The following LUZP2 variants were observed in gnomAD, a reference collection of about 807,000 sequenced individuals.
LUZP2 encodes leucine zipper protein 2.
A neutral mutation model predicts 51.6 loss-of-function variants in LUZP2; 52 were observed. The ratio of observed to expected loss-of-function variants is 1.01; its 90% CI spans 0.81 to 1.27. LUZP2 has a LOEUF of 1.27. Ranked by LOEUF, LUZP2 falls within the 50% of genes most tolerant of loss-of-function variation. The pLI, the probability that LUZP2 is intolerant of heterozygous loss-of-function variation, is 0.00. For missense variants in LUZP2, 436 were observed against 395.4 expected, an observed-to-expected ratio of 1.10 and a Z score of -0.87; for synonymous variants, 154 against 137.3, an observed-to-expected ratio of 1.12 and a Z score of -0.85.
At chr11:24,738,390 C>T in intron 4 of LUZP2, 88 bp downstream of exon 4, 1 of 835,104 alleles carries the variant, frequency 1.2e-6, no homozygotes, top group Non-Finnish European at 2.0e-6. Context: ...ACAAACACAC[C>T]TATAAAAAAT....
Position 24,511,303 on chromosome 11 carries a change from A to G in LUZP2, c.62+13998A>G, listed in dbSNP as rs556747599. On this transcript the variant is annotated intron_variant, in intron 1 of 11. Coordinates refer to ENST00000336930, the MANE Select transcript of LUZP2 (RefSeq NM_001009909.4). ...ATGATGTGTAGCAGGTTTCCTTCAA[A>G]GTCCTTTCTGATGTTGGTGACAAGA... is the stretch of plus-strand genomic sequence containing the variant. 4.2e-4 allele frequency among the ~76,000 whole-genome samples: 64 copies of G among 152,250 alleles called. 1 individual carries two copies. In the South Asian group the frequency reaches 0.012, roughly 30 times the overall value.
intron 1 of LUZP2, among the ~76,000 whole-genome samples, chr11:24,680,680 A>G (rs1856703919): frequency 6.6e-6 from 1 of 152,216 alleles, no homozygotes; most frequent in African/African-American, 2.4e-5. Context: ...TTTATGTTCA[A>G]CACAATTATA....
chr11:24,609,942 T>C (rs1385979048), intron 1 of LUZP2, among the ~76,000 whole-genome samples: 5 of 152,120 alleles, frequency 3.3e-5, no homozygotes, highest in Admixed American at 2.0e-4. Flanking sequence ...GAGCAATTTA[T>C]GCCCCAGGGA....
intron 1 of LUZP2, among the ~76,000 whole-genome samples, chr11:24,519,863 A>G (rs982463640): frequency 6.6e-6 from 1 of 152,218 alleles, no homozygotes; most frequent in African/African-American, 2.4e-5. Flanking sequence ...TCATAATTTT[A>G]GTTCAGACAA....
At chr11:25,020,318 C>G in intron 9 of LUZP2, among the ~76,000 whole-genome samples, 1 of 152,094 alleles carries the variant, frequency 6.6e-6, no homozygotes, top group Non-Finnish European at 1.5e-5. Flanking sequence ...GAAAGACCAT[C>G]TTCCATTTGT....
rs1034432975 is a variant in LUZP2, at chr11:25,080,249, C to T, written c.*1591C>T. 6.6e-6 allele frequency: 1 copy of T among 152,032 alleles called. No homozygotes were observed. Among genetic ancestry groups the T allele is most frequent in the Non-Finnish European group, 1.5e-5 (1 of 68,002 alleles). 9.4% of individuals were successfully genotyped at this position (152,032 alleles called of 1,614,324 possible). On this transcript the variant is annotated 3_prime_UTR_variant, in exon 12 of 12. Transcript: ENST00000336930. ...GATACATGGTCCATGAAATATTCAA[C>T]ACTTTATTATAAAATAGGGTTTGTG... is the stretch of plus-strand genomic sequence containing the variant.
chr11:24,752,069 A>G (rs1859611323), intron 4 of LUZP2, among the ~76,000 whole-genome samples: 1 of 152,156 alleles, frequency 6.6e-6, no homozygotes. Context: ...AAATACTGAG[A>G]TAGAAAATAT....
At chr11:25,015,161 A>G (rs1263860676) in intron 9 of LUZP2, among the ~76,000 whole-genome samples, 1 of 152,164 alleles carries the variant, frequency 6.6e-6, no homozygotes, top group Non-Finnish European at 1.5e-5. Context: ...TAGTCATGCT[A>G]TATCCGTATA....
rs556891609 is a variant in LUZP2 at position 24,592,312 on chromosome 11, A to G, written c.62+95007A>G. 4.1e-4 allele frequency among the ~76,000 whole-genome samples: 62 copies of G among 152,304 alleles called. 2 individuals carry two copies. The South Asian group carries it at 0.013, about 31-fold the overall frequency. On this transcript the variant is annotated intron_variant, in intron 1 of 11. Transcript: ENST00000336930. Reference sequence around the variant, plus strand: ...TCTTGGTAATTAGAATTTGAGGAATATTTCACATTTGATTTGAGATTTTGA... The same window carrying G: ...TCTTGGTAATTAGAATTTGAGGAATGTTTCACATTTGATTTGAGATTTTGA...
chr11:24,866,333 G>T (rs10767259), intron 5 of LUZP2, among the ~76,000 whole-genome samples: 81,377 of 151,908 alleles, frequency 0.54, 23,394 homozygotes, highest in Middle Eastern at 0.67. Flanking sequence ...ATAATTTTCT[G>T]TATAACTATC....
intron 5 of LUZP2, among the ~76,000 whole-genome samples, chr11:24,771,349 T>C (rs1860408068): frequency 1.0e-5 from 1 of 98,886 alleles, no homozygotes; most frequent in South Asian, 3.4e-4. Flanking sequence ...TACTCAATAG[T>C]GTGTGCATGT....
At chr11:24,554,618 C>G (rs1026660566) in intron 1 of LUZP2, among the ~76,000 whole-genome samples, 1 of 150,600 alleles carries the variant, frequency 6.6e-6, no homozygotes, top group Non-Finnish European at 1.5e-5. Context: ...AGTGAATGAT[C>G]ATTATTGATT....
At chr11:24,825,997 C>T (rs941460039) in intron 5 of LUZP2, among the ~76,000 whole-genome samples, 3 of 151,088 alleles carry the variant, frequency 2.0e-5, no homozygotes, top group African/African-American at 7.3e-5. Flanking sequence ...CACGGTGAAA[C>T]CCTGTCTCTA....
chr11:24,640,523 C>CT (rs1855243076), intron 1 of LUZP2, among the ~76,000 whole-genome samples: 1 of 151,912 alleles, frequency 6.6e-6, no homozygotes, highest in Middle Eastern at 3.4e-3. Flanking sequence ...ATTTACATGA[C>CT]TTTTTTCTGT....
chr11:25,024,582 A>G (rs1857429065), intron 9 of LUZP2, among the ~76,000 whole-genome samples: 1 of 152,116 alleles, frequency 6.6e-6, no homozygotes, highest in Non-Finnish European at 1.5e-5. Flanking sequence ...TAGGAATCCA[A>G]CTTACAAAGG....
intron 1 of LUZP2, among the ~76,000 whole-genome samples, chr11:24,635,684 C>T (rs1855074327): frequency 6.6e-6 from 1 of 152,134 alleles, no homozygotes; most frequent in South Asian, 2.1e-4. Flanking sequence ...CATTTTAAAA[C>T]CTCATCTGTA....
intron 1 of LUZP2, among the ~76,000 whole-genome samples, chr11:24,567,905 C>T (rs1470143017): frequency 6.6e-6 from 1 of 152,008 alleles, no homozygotes; most frequent in Non-Finnish European, 1.5e-5. Context: ...CACAAAAGAA[C>T]ACTGGTAAGA....
chr11:24,784,380 G>A (rs2631393), intron 5 of LUZP2, among the ~76,000 whole-genome samples: 114,726 of 151,596 alleles, frequency 0.76, 43,642 homozygotes, highest in East Asian at 0.86. Flanking sequence ...GACAATACCC[G>A]ATAAATTATA....
intron 5 of LUZP2, among the ~76,000 whole-genome samples, chr11:24,767,322 A>G (rs1195842229): frequency 6.6e-6 from 1 of 152,202 alleles, no homozygotes; most frequent in East Asian, 1.9e-4. Flanking sequence ...ACTGAGATAT[A>G]ATACCATTTT....
Sources: allele counts gnomAD v4.1 joint callset (sites outside exome capture counted in the v4.1 genomes callset), GRCh38; gene constraint gnomAD v4.1.1; transcripts MANE v1.5; gene names NCBI Gene and HGNC (gene_info 2026-07-23, HGNC 2026-07-21).